OR2C1: variants seen among roughly 807,000 people sequenced by gnomAD.
The protein encoded by OR2C1 is olfactory receptor 2C1.
For missense variants in OR2C1, 468 were observed against 388.3 expected (o/e 1.21, Z -1.73); for synonymous variants, 209 against 167.3 (o/e 1.25, Z -1.92).
At chr16:3,328,905 C>A in the OR2C1 span, among the ~76,000 whole-genome samples, 1 of 152,074 alleles carries the variant, frequency 6.6e-6, no homozygotes, top group Non-Finnish European at 1.5e-5. Context: ...CTTTCCTTCA[C>A]TTACTTTATC....
chr16:3,335,466 T>C, the OR2C1 span, among the ~76,000 whole-genome samples: 2 of 151,934 alleles, frequency 1.3e-5, no homozygotes, highest in Non-Finnish European at 2.9e-5. Flanking sequence ...TTGCTTTCTT[T>C]ATTTCTTTTT....
chr16:3,355,463 A>AAAAAAAAAAAAAAAAAAAAAT (rs2030648108), upstream of OR2C1, among the ~76,000 whole-genome samples: 1 of 142,806 alleles, frequency 7.0e-6, no homozygotes, highest in Non-Finnish European at 1.5e-5. Context: ...GTCTCAAAAA[A>AAAAAAAAAAAAAAAAAAAAAT]AAAAAAAAAG....
At chr16:3,351,337 C>G (rs1298373361), upstream of OR2C1, among the ~76,000 whole-genome samples, 1 of 150,878 alleles carries the variant, frequency 6.6e-6, no homozygotes, top group Non-Finnish European at 1.5e-5. Flanking sequence ...AAGCAATTCT[C>G]CTGCCTCAGC....
At chr16:3,339,487 T>C in the OR2C1 span, among the ~76,000 whole-genome samples, 1 of 152,146 alleles carries the variant, frequency 6.6e-6, no homozygotes, top group Admixed American at 6.6e-5. Context: ...GATGGAGTCT[T>C]GCTCTGTCGC....
At chr16:3,358,065 C>G (rs1300032361), downstream of OR2C1, among the ~76,000 whole-genome samples, 2 of 151,922 alleles carry the variant, frequency 1.3e-5, no homozygotes, top group Non-Finnish European at 2.9e-5. Flanking sequence ...CTTGTTTACC[C>G]TCTCCCTTAT....
At chr16:3,327,587 A>G in the OR2C1 span, among the ~76,000 whole-genome samples, 17 of 151,222 alleles carry the variant, frequency 1.1e-4, no homozygotes, top group Non-Finnish European at 1.9e-4. Flanking sequence ...CCTCGTAATG[A>G]GAGTGGTCCG....
chr16:3,350,165 C>G, the OR2C1 span, among the ~76,000 whole-genome samples: 1 of 139,320 alleles, frequency 7.2e-6, no homozygotes, highest in Admixed American at 7.9e-5. Flanking sequence ...AAGCGATTCT[C>G]CCGCCTCAAC....
At chr16:3,351,370 A>G (rs1441168475), upstream of OR2C1, among the ~76,000 whole-genome samples, 1 of 151,274 alleles carries the variant, frequency 6.6e-6, no homozygotes, top group South Asian at 2.1e-4. Context: ...TTTGCTTTCC[A>G]TAGAGAAGGA....
Position 3,356,079 on chromosome 16 carries a change from T to C in OR2C1, c.139T>C (p.Leu47=). The C allele has an allele frequency of 1.9e-6, 3 of 1,614,204 alleles. No individual in the cohort carries two copies. Among genetic ancestry groups the C allele is most frequent in the South Asian group, 1.1e-5 (1 of 91,090 alleles). ...CCTACTTGGGAACTCAACCATCATC[T>C]TGCTTTCCCGCCTGGAGGCCCGGCT... The part of the protein sequence containing the change: ...LTLLGNSTII[L]LSRLEARLHT... Residue 47 remains leucine (L), a synonymous_variant, in exon 1 of 1, where the codon TTG becomes CTG. Coordinates refer to ENST00000304936, the MANE Select transcript of OR2C1 (RefSeq NM_012368.3).
At chr16:3,323,180 C>T in the OR2C1 span, 6 of 644,634 alleles carry the variant, frequency 9.3e-6, no homozygotes, top group Non-Finnish European at 1.6e-5. Flanking sequence ...AGTTTGGCAC[C>T]TGGGTCTAGT....
At chr16:3,336,031 A>G in the OR2C1 span, among the ~76,000 whole-genome samples, 3 of 152,112 alleles carry the variant, frequency 2.0e-5, no homozygotes, top group South Asian at 2.1e-4. Flanking sequence ...TTTTCCCCAT[A>G]TCAATATGAT....
the OR2C1 span, among the ~76,000 whole-genome samples, chr16:3,327,406 A>G: frequency 1.3e-5 from 2 of 151,944 alleles, no homozygotes; most frequent in African/African-American, 4.8e-5. Flanking sequence ...TCAGTGGAGG[A>G]CCTCTGTCCC....
upstream of OR2C1, among the ~76,000 whole-genome samples, chr16:3,354,531 T>A (rs1246885415): frequency 6.6e-6 from 1 of 152,218 alleles, no homozygotes; most frequent in Non-Finnish European, 1.5e-5. Context: ...CATTCCCAGC[T>A]TCTGTATTTG....
chr16:3,348,548 C>A, the OR2C1 span, among the ~76,000 whole-genome samples: 2 of 152,062 alleles, frequency 1.3e-5, no homozygotes, highest in East Asian at 3.9e-4. Context: ...GCACAGTGAC[C>A]AGCACACAGC....
chr16:3,352,773 C>T (rs1028352184), upstream of OR2C1, among the ~76,000 whole-genome samples: 1 of 140,228 alleles, frequency 7.1e-6, no homozygotes, highest in Non-Finnish European at 1.5e-5. Flanking sequence ...TAGAGTTTCA[C>T]TCTTGTTGCC....
chr16:3,346,223 A>C, the OR2C1 span, among the ~76,000 whole-genome samples: 2 of 152,110 alleles, frequency 1.3e-5, no homozygotes, highest in African/African-American at 2.4e-5. Flanking sequence ...GACTCTTTAC[A>C]ATCAGATTGC....
chr16:3,348,820 A>C, the OR2C1 span, among the ~76,000 whole-genome samples: 2 of 152,148 alleles, frequency 1.3e-5, no homozygotes, highest in African/African-American at 4.8e-5. Context: ...AGTGGCTGTA[A>C]GTTCTTGCTT....
the OR2C1 span, among the ~76,000 whole-genome samples, chr16:3,339,971 A>G: frequency 6.6e-6 from 1 of 151,958 alleles, no homozygotes; most frequent in Non-Finnish European, 1.5e-5. Flanking sequence ...CTATCCAAGT[A>G]TTTTCCCATT....
chr16:3,334,180 C>G, the OR2C1 span, among the ~76,000 whole-genome samples: 2 of 151,300 alleles, frequency 1.3e-5, no homozygotes, highest in African/African-American at 4.9e-5. Flanking sequence ...ACTCTCTCCC[C>G]AGGCTGAAGT....
Sources: allele counts gnomAD v4.1 joint callset (sites outside exome capture counted in the v4.1 genomes callset), GRCh38; gene constraint gnomAD v4.1.1; transcripts MANE v1.5; gene names NCBI Gene and HGNC (gene_info 2026-07-23, HGNC 2026-07-21).